The following BRCC3 variants were observed in gnomAD, a reference collection of about 807,000 sequenced individuals.
BRCC3 encodes the protein lys-63-specific deubiquitinase BRCC36.
In BRCC3, 15 loss-of-function variants were observed where a neutral mutation model predicts 28.0. The observed-to-expected ratio is 0.54, with a 90% CI of 0.36 to 0.82. The LOEUF (loss-of-function observed/expected upper bound fraction) is 0.82, where lower values mean the gene tolerates loss of function less well. BRCC3 is among the 40% of genes least tolerant of loss of function. BRCC3 has a pLI of 0.01. For synonymous variants in BRCC3, 66 were observed against 80.3 expected (o/e 0.82, Z 0.95); for missense variants, 109 against 225.9 (o/e 0.48, Z 3.32).
chrX:155,122,379 T>C lies in BRCC3; in HGVS notation c.*1175T>C, dbSNP rs886257991. The C allele has an allele frequency of 1.3e-4, 15 of 112,051 alleles. No homozygotes were observed. Among genetic ancestry groups the C allele is most frequent in the African/African-American group, 4.5e-4 (14 of 30,801 alleles). 9.2% of individuals were successfully genotyped at this position (112,051 alleles called of 1,213,427 possible). Reference sequence around the variant, plus strand: ...TACTGATGAGGATACAAACTGGATATTTTATACATTGCTGACAGGAATGTA... The same window carrying C: ...TACTGATGAGGATACAAACTGGATACTTTATACATTGCTGACAGGAATGTA... On this transcript the variant is annotated 3_prime_UTR_variant, in exon 11 of 11. Transcript: ENST00000330045.
intron 1 of BRCC3, among the ~76,000 whole-genome samples, chrX:155,071,864 G>C (rs963776703): frequency 1.8e-5 from 2 of 112,105 alleles, no homozygotes; most frequent in East Asian, 5.6e-4. Context: ...GGTCTGTACA[G>C]GCCCCGGGAG....
chrX:155,095,644 T>G (rs782012514), intron 7 of BRCC3, among the ~76,000 whole-genome samples: 1 of 111,623 alleles, frequency 9.0e-6, no homozygotes, highest in African/African-American at 3.3e-5. Flanking sequence ...AAGTGTTCAG[T>G]GTTATAAAGT....
chrX:155,088,312 A>G (rs2074148132), intron 5 of BRCC3, among the ~76,000 whole-genome samples: 1 of 109,886 alleles, frequency 9.1e-6, no homozygotes, highest in South Asian at 3.8e-4. Context: ...TTTATAAACA[A>G]TGGTCTGAAG....
chrX:155,094,369 GATT>G (rs1281689771), intron 7 of BRCC3, among the ~76,000 whole-genome samples: 7 of 109,617 alleles, frequency 6.4e-5, no homozygotes, highest in Admixed American at 9.7e-5. Flanking sequence ...AAATGATAAT[GATT>G]ATTATTATTA....
At chrX:155,085,558 A>G (rs1252670935) in intron 5 of BRCC3, among the ~76,000 whole-genome samples, 2 of 112,478 alleles carry the variant, frequency 1.8e-5, no homozygotes, top group East Asian at 5.6e-4. Flanking sequence ...TCTCTCGTGT[A>G]CCAGGCCTGA....
intron 5 of BRCC3, among the ~76,000 whole-genome samples, chrX:155,079,143 G>GT (rs1380934158): frequency 2.7e-5 from 3 of 111,579 alleles, no homozygotes; most frequent in Non-Finnish European, 5.6e-5. Flanking sequence ...ATCATGGTGG[G>GT]TTTTTTTGTC....
intron 2 of BRCC3, among the ~76,000 whole-genome samples, 178 bp from the exon 3 acceptor site, chrX:155,073,199 G>A (rs1300332220): frequency 8.9e-6 from 1 of 112,302 alleles, no homozygotes; most frequent in Non-Finnish European, 1.9e-5. Flanking sequence ...TTGTGCATGT[G>A]TCCCAGATTG....
intron 3 of BRCC3, among the ~76,000 whole-genome samples, chrX:155,074,330 G>T (rs1557293065): frequency 8.9e-6 from 1 of 112,145 alleles, no homozygotes; most frequent in East Asian, 2.8e-4. Flanking sequence ...CTTCTTAAAA[G>T]AATGGGCTAC....
At chrX:155,102,557 T>C (rs2074252649) in intron 7 of BRCC3, among the ~76,000 whole-genome samples, 1 of 112,040 alleles carries the variant, frequency 8.9e-6, no homozygotes, top group African/African-American at 3.2e-5. Context: ...CCAATGTGGA[T>C]GCCTTCTGTT....
intron 3 of BRCC3, among the ~76,000 whole-genome samples, chrX:155,075,012 A>G (rs2074019826): frequency 1.8e-5 from 2 of 112,712 alleles, no homozygotes; most frequent in Admixed American, 1.9e-4. Flanking sequence ...ATCACAGTAA[A>G]AAGGAATAAA....
At chrX:155,108,580 C>A (rs782464931) in intron 7 of BRCC3, among the ~76,000 whole-genome samples, 1 of 112,382 alleles carries the variant, frequency 8.9e-6, no homozygotes, top group Admixed American at 9.4e-5. Flanking sequence ...TCATTTTTTG[C>A]AGTTCTGGTG....
intron 7 of BRCC3, among the ~76,000 whole-genome samples, chrX:155,101,462 T>C (rs1557296892): frequency 4.5e-5 from 5 of 112,092 alleles, no homozygotes. Flanking sequence ...CATGGCAATG[T>C]TCTAATTCCA....
At chrX:155,111,965 C>T (rs1557298200) in intron 7 of BRCC3, among the ~76,000 whole-genome samples, 1 of 111,299 alleles carries the variant, frequency 9.0e-6, no homozygotes, top group African/African-American at 3.3e-5. Context: ...ACACGCACAC[C>T]TGTGATAAAG....
At chrX:155,073,564 C>T (rs2074005510) in intron 3 of BRCC3, 133 bp downstream of exon 3, 2 of 768,094 alleles carry the variant, frequency 2.6e-6, no homozygotes, top group Non-Finnish European at 3.8e-6. Flanking sequence ...GATGAAGAAT[C>T]TACTCACTAG....
chrX:155,084,370 G>GTT (rs782783415), intron 5 of BRCC3, among the ~76,000 whole-genome samples: 1 of 106,996 alleles, frequency 9.3e-6, no homozygotes. Flanking sequence ...TGTTTAAAAA[G>GTT]TTTTTTTTTT....
intron 7 of BRCC3, among the ~76,000 whole-genome samples, chrX:155,105,586 G>C (rs1251978058): frequency 8.9e-6 from 1 of 112,565 alleles, no homozygotes; most frequent in African/African-American, 3.2e-5. Flanking sequence ...TATTCTGTCT[G>C]TCCATTTAGT....
At chrX:155,079,516 T>C (rs1435429186) in intron 5 of BRCC3, among the ~76,000 whole-genome samples, 4 of 111,651 alleles carry the variant, frequency 3.6e-5, no homozygotes, top group African/African-American at 1.3e-4. Context: ...CGAGTGGTCC[T>C]AAGAAATACA....
At chrX:155,114,211 G>A (rs1194123382) in intron 7 of BRCC3, among the ~76,000 whole-genome samples, 1 of 111,404 alleles carries the variant, frequency 9.0e-6, no homozygotes, top group African/African-American at 3.3e-5. Context: ...CATCCCACAT[G>A]TCCATTGATG....
chrX:155,090,435 C>G (rs1408875456), intron 6 of BRCC3, among the ~76,000 whole-genome samples: 1 of 112,136 alleles, frequency 8.9e-6, no homozygotes, highest in Non-Finnish European at 1.9e-5. Context: ...CTTTATACAT[C>G]ATTTGAAATG....
Sources: gnomAD v4.1 joint callset for allele counts (sites outside exome capture counted in the v4.1 genomes callset) on GRCh38, gnomAD v4.1.1 for gene constraint, MANE v1.5 for transcripts, NCBI Gene and HGNC (gene_info 2026-07-23, HGNC 2026-07-21) for gene names.